The following SLC9B1 variants were observed in gnomAD, a reference collection of about 807,000 sequenced individuals.
SLC9B1 encodes solute carrier family 9 member B1, also known as sodium/hydrogen exchanger 9B1.
A neutral mutation model predicts 51.7 loss-of-function variants in SLC9B1; 32 were observed. The ratio of observed to expected loss-of-function variants is 0.62; its 90% CI spans 0.47 to 0.83. The LOEUF is 0.83. Among genes scored for constraint, SLC9B1 ranks in the 40% least tolerant of loss-of-function variants. The pLI, the probability that SLC9B1 is intolerant of heterozygous loss-of-function variation, is 0.00. For missense variants in SLC9B1, 406 were observed against 613.2 expected (o/e 0.66, Z 3.57); for synonymous variants, 145 against 212.7 (o/e 0.68, Z 2.77).
rs758387514 is a variant in SLC9B1, at chr4:102,989,782, A to T, written c.211+18T>A. The stretch of plus-strand genomic sequence containing the variant: ...TATTTCTCATCTTCTCTTCATTTAC[A>T]TTTTTTGTTTCACATACCATTTGTA... On this transcript the variant is annotated intron_variant, in intron 3 of 11. Transcript: ENST00000296422. The T allele has an allele frequency of 7.9e-6, 12 of 1,515,672 alleles. No individual in the cohort carries two copies. Among genetic ancestry groups the T allele is most frequent in the Non-Finnish European group, 8.9e-6 (10 of 1,117,494 alleles). The allele number at this position is 1,515,672 out of a possible 1,614,324, so 93.9% of individuals were successfully genotyped here. A position where few individuals can be genotyped will look rare whatever the true frequency, so the allele number is the denominator to read the frequency against.
At chr4:102,984,018 A>C (rs1238285273) in intron 3 of SLC9B1, among the ~76,000 whole-genome samples, 1 of 152,044 alleles carries the variant, frequency 6.6e-6, no homozygotes, top group Non-Finnish European at 1.5e-5. Flanking sequence ...AAATATTATC[A>C]AATGCTATAA....
chr4:103,019,384 A>G (rs1741618140), intron 1 of SLC9B1, among the ~76,000 whole-genome samples: 1 of 152,180 alleles, frequency 6.6e-6, no homozygotes. Flanking sequence ...CAAACAAGAG[A>G]GATGTGGGAT....
intron 3 of SLC9B1, among the ~76,000 whole-genome samples, chr4:102,967,490 G>C (rs1176685738): frequency 6.6e-6 from 1 of 152,142 alleles, no homozygotes; most frequent in African/African-American, 2.4e-5. Flanking sequence ...CATCTGCTTG[G>C]GTTCTGGTGA....
In SLC9B1 at chr4:102,975,582, A is replaced by T. The variant is rs1397403780; in HGVS notation, c.211+14218T>A. Among the ~76,000 whole-genome samples the T allele has an allele frequency of 1.4e-3, 106 of 73,490 alleles. 1 individual carries two copies. Among genetic ancestry groups the T allele is most frequent in the African/African-American group, 6.3e-3 (99 of 15,756 alleles). 48.2% of individuals were successfully genotyped at this position (73,490 alleles called of 152,430 possible). A position where few individuals can be genotyped will look rare whatever the true frequency, so the allele number is the denominator to read the frequency against. ...TATATATACATATATATATATATAT[A>T]TATATTTTTTTTTTTTTTTTTTTTT... On this transcript the variant is annotated intron_variant, in intron 3 of 11. Coordinates refer to ENST00000296422, the MANE Select transcript of SLC9B1 (RefSeq NM_139173.4).
intron 3 of SLC9B1, among the ~76,000 whole-genome samples, chr4:102,975,383 G>T (rs540691564): frequency 6.6e-6 from 1 of 151,734 alleles, no homozygotes; most frequent in South Asian, 2.1e-4. Flanking sequence ...CAGTGTAGAA[G>T]CCAGGAACTC....
rs1739211218 is a variant in SLC9B1 at position 102,978,854 on chromosome 4, G to A, written c.211+10946C>T. ...ATTAAAAACGTGTTCTTATTTTTAG[G>A]ATAATACTACAAAACTTTTCTAAAA... On this transcript the variant is annotated intron_variant, in intron 3 of 11. Coordinates refer to ENST00000296422, the MANE Select transcript of SLC9B1 (RefSeq NM_139173.4). 1.3e-5 allele frequency among the ~76,000 whole-genome samples: 2 copies of A among 152,128 alleles called. 1 individual carries two copies. The highest frequency in any genetic ancestry group is 4.1e-4 in the South Asian group (2 of 4,830).
At chr4:102,976,160 T>C (rs972253590) in intron 3 of SLC9B1, among the ~76,000 whole-genome samples, 1 of 152,216 alleles carries the variant, frequency 6.6e-6, no homozygotes, top group African/African-American at 2.4e-5. Flanking sequence ...TTGAATACGA[T>C]GCAGACAGAA....
At chr4:102,970,386 C>A (rs1394442304) in intron 3 of SLC9B1, among the ~76,000 whole-genome samples, 1 of 152,162 alleles carries the variant, frequency 6.6e-6, no homozygotes, top group Admixed American at 6.5e-5. Context: ...TCCAGTCAAA[C>A]TAAGCTTCAT....
At chr4:102,960,071 T>C (rs1286047757) in intron 3 of SLC9B1, among the ~76,000 whole-genome samples, 1 of 151,662 alleles carries the variant, frequency 6.6e-6, no homozygotes, top group African/African-American at 2.4e-5. Flanking sequence ...GAAGCACTAG[T>C]GTCAGGAAAA....
intron 7 of SLC9B1, among the ~76,000 whole-genome samples, chr4:102,931,075 A>G (rs1267272293): frequency 6.6e-6 from 1 of 151,860 alleles, no homozygotes. Context: ...ATATAAAAAA[A>G]ATTAGCCGGG....
At chr4:102,967,559 C>T (rs1738497089) in intron 3 of SLC9B1, among the ~76,000 whole-genome samples, 1 of 152,072 alleles carries the variant, frequency 6.6e-6, no homozygotes. Context: ...TAGGCATGTA[C>T]CAGGAGGCCA....
intron 11 of SLC9B1, among the ~76,000 whole-genome samples, chr4:102,894,541 G>A (rs1734442060): frequency 6.6e-6 from 1 of 152,028 alleles, no homozygotes; most frequent in Non-Finnish European, 1.5e-5. Context: ...TAAGCACCTT[G>A]AAATGCTAGT....
chr4:102,944,367 C>T (rs1737165512), intron 6 of SLC9B1, among the ~76,000 whole-genome samples: 1 of 152,172 alleles, frequency 6.6e-6, no homozygotes, highest in East Asian at 1.9e-4. Flanking sequence ...CTCATGTACC[C>T]CTTGAGCCGA....
intron 3 of SLC9B1, among the ~76,000 whole-genome samples, chr4:102,972,698 ATTG>A (rs1217458927): frequency 2.6e-5 from 4 of 152,314 alleles, no homozygotes; most frequent in East Asian, 1.9e-4. Flanking sequence ...AATTTTTGTA[ATTG>A]TTGTACAACT....
At chr4:102,916,682 G>A (rs1735593087) in intron 7 of SLC9B1, among the ~76,000 whole-genome samples, 1 of 152,112 alleles carries the variant, frequency 6.6e-6, no homozygotes, top group African/African-American at 2.4e-5. Context: ...TGGCATGCTA[G>A]TCCACAAACA....
At chr4:102,970,950 T>C (rs956218688) in intron 3 of SLC9B1, among the ~76,000 whole-genome samples, 13 of 152,196 alleles carry the variant, frequency 8.5e-5, no homozygotes, top group African/African-American at 2.4e-4. Flanking sequence ...ATCCTAACTA[T>C]ATATGCACCC....
intron 7 of SLC9B1, among the ~76,000 whole-genome samples, chr4:102,925,866 A>C (rs1184337406): frequency 6.6e-6 from 1 of 152,238 alleles, no homozygotes; most frequent in African/African-American, 2.4e-5. Context: ...TGGCAAACCG[A>C]ATCCAGCAGC....
intron 9 of SLC9B1, among the ~76,000 whole-genome samples, chr4:102,909,738 G>A (rs1735245955): frequency 6.6e-6 from 1 of 152,302 alleles, no homozygotes; most frequent in Admixed American, 6.5e-5. Context: ...TTTGACAGTG[G>A]TGGGGAATAA....
At position 102,945,323 on chromosome 4, in the gene SLC9B1, G is replaced by A. The variant is rs3974494; in HGVS notation, c.526-3C>T. The A allele has an allele frequency of 0.5, 797,023 of 1,587,354 alleles. 202,649 individuals are homozygous for A. The highest frequency in any genetic ancestry group is 0.69 in the African/African-American group (51,151 of 74,476). ...ACGACCTTCAAATGCCTCAAAGCCT[G>A]AAACACAAAACAGTCACACTTAGAT... is the stretch of plus-strand genomic sequence containing the variant. On this transcript the variant is annotated splice_region_variant and splice_polypyrimidine_tract_variant and intron_variant, in intron 5 of 11. Transcript: ENST00000296422.
Sources: allele counts gnomAD v4.1 joint callset (sites outside exome capture counted in the v4.1 genomes callset), GRCh38; gene constraint gnomAD v4.1.1; transcripts MANE v1.5; gene names NCBI Gene and HGNC (gene_info 2026-07-23, HGNC 2026-07-21).